The following PCSK1 variants were observed in gnomAD, a reference collection of about 807,000 sequenced individuals.
The protein encoded by PCSK1 is proprotein convertase subtilisin/kexin type 1.
PCSK1 carries 56 observed loss-of-function variants against 90.6 expected under a neutral mutation model. The observed-to-expected ratio is 0.62, with a 90% CI of 0.50 to 0.77. The LOEUF (loss-of-function observed/expected upper bound fraction) is 0.77. Ranked by LOEUF, PCSK1 falls within the 30% of genes least tolerant of loss-of-function variation. The pLI is 0.00. For synonymous variants in PCSK1, 348 were observed against 342.4 expected, an observed-to-expected ratio of 1.02 and a Z score of -0.18; for missense variants, 801 against 932.6, an observed-to-expected ratio of 0.86 and a Z score of 1.84.
At chr5:96,422,678 A>C (rs116559970) in intron 4 of PCSK1, among the ~76,000 whole-genome samples, 3,752 of 152,310 alleles carry the variant, frequency 0.025, 152 homozygotes, top group African/African-American at 0.086. Flanking sequence ...GATAGGTGGA[A>C]AGGATGAGAG....
chr5:96,401,318 G>T (rs995547522), intron 9 of PCSK1, among the ~76,000 whole-genome samples: 2 of 152,064 alleles, frequency 1.3e-5, no homozygotes, highest in African/African-American at 4.8e-5. Context: ...AGAGAAGAAG[G>T]CCACTGGAGC....
rs775136858 is a variant in PCSK1 at position 96,408,262 on chromosome 5, G to A, written c.1157C>T (p.Pro386Leu). Residue 386 changes from proline to leucine, a missense_variant, in exon 9 of 14, where the codon CCT becomes CTT. Pro to Leu is a moderately conservative substitution (Grantham distance 98, BLOSUM62 -3). Transcript: ENST00000311106. ...CAGAGCGAAGATGCCAGCAGCCAGA[G>A]GTGCAGAGGCCGAGGTGCCTGTGTG... ...ETHTGTSASAPLAAGIFALAL... is the reference protein window; with the variant it reads ...ETHTGTSASALLAAGIFALAL... 1.9e-6 allele frequency: 3 copies of A among 1,614,020 alleles called. No homozygotes were observed. Among genetic ancestry groups the A allele is most frequent in the African/African-American group, 1.3e-5 (1 of 74,940 alleles).
chr5:96,427,160 G>T (rs1015439958), intron 2 of PCSK1, among the ~76,000 whole-genome samples: 2 of 152,108 alleles, frequency 1.3e-5, no homozygotes, highest in African/African-American at 4.8e-5. Flanking sequence ...GGGCTGATTT[G>T]AAAGAATATT....
chr5:96,392,989 C>A lies in PCSK1; in HGVS notation c.*12G>T, dbSNP rs1190276542. The A allele has an allele frequency of 9.3e-6, 15 of 1,613,670 alleles. No homozygotes were observed. Among genetic ancestry groups the A allele is most frequent in the Non-Finnish European group, 1.2e-5 (14 of 1,179,792 alleles). ...AGCATGAATATTTCCAACTTGGGAC[C>A]ACACACTTATTTTAATTTTCCTCAT... is the stretch of plus-strand genomic sequence containing the variant. On this transcript the variant is annotated 3_prime_UTR_variant, in exon 14 of 14. Transcript: ENST00000311106.
chr5:96,433,112 G>A lies in PCSK1; in HGVS notation c.-70C>T. 7.0e-7 allele frequency: 1 copy of A among 1,431,502 alleles called. No individual in the cohort carries two copies. The highest frequency in any genetic ancestry group is 1.7e-5 in the Admixed American group (1 of 59,792). The allele number at this position is 1,431,502 out of a possible 1,614,324, so 88.7% of individuals were successfully genotyped here. ...AAGAAGCAAGATAGGAGAAAAGCCAGACAGACTCCCCCTTCCCACCCTCGG... is the reference window on the plus strand; with the variant it reads ...AAGAAGCAAGATAGGAGAAAAGCCAAACAGACTCCCCCTTCCCACCCTCGG... On this transcript the variant is annotated 5_prime_UTR_variant, in exon 1 of 14. Transcript: ENST00000311106.
chr5:96,414,262 C>A (rs539668174), intron 6 of PCSK1, among the ~76,000 whole-genome samples: 1 of 152,252 alleles, frequency 6.6e-6, no homozygotes, highest in South Asian at 2.1e-4. Context: ...AGCTCATGTG[C>A]ATTCATGATA....
intron 1 of PCSK1, among the ~76,000 whole-genome samples, chr5:96,431,495 TCTC>T (rs1308708829): frequency 1.3e-5 from 2 of 152,166 alleles, no homozygotes; most frequent in African/African-American, 4.8e-5. Flanking sequence ...TCTAAGCTAG[TCTC>T]CTCTAGATTC....
At position 96,431,060 on chromosome 5, in the gene PCSK1, G is replaced by C. The variant is rs564706319; in HGVS notation, c.181-1743C>G. Among the ~76,000 whole-genome samples the C allele has an allele frequency of 3.7e-4, 56 of 152,242 alleles. 1 individual carries two copies. The highest frequency in any genetic ancestry group is 3.4e-3 in the Middle Eastern group (1 of 294). On this transcript the variant is annotated intron_variant, in intron 1 of 13. Transcript: ENST00000311106. Reference sequence around the variant, plus strand: ...CCTACACGGTTACCAGTGCTATTTAGCCTTTCAGTAGCTGCTCAAGGAATA... The same window carrying C: ...CCTACACGGTTACCAGTGCTATTTACCCTTTCAGTAGCTGCTCAAGGAATA...
intron 1 of PCSK1, among the ~76,000 whole-genome samples, chr5:96,430,219 C>T (rs999338013): frequency 2.2e-4 from 33 of 152,176 alleles, no homozygotes; most frequent in African/African-American, 7.2e-4. Context: ...ATCTTTGGTT[C>T]ATTTAGGACT....
rs756457273 is a variant in PCSK1 at position 96,416,021 on chromosome 5, CCT to C, written c.709+10_709+11del. On this transcript the variant is annotated intron_variant, in intron 6 of 13. Coordinates refer to ENST00000311106, the MANE Select transcript of PCSK1 (RefSeq NM_000439.5). Reference sequence around the variant, plus strand: ...TAAAATGCCAAGCTATAGGGACAATCCTCTGTTTTACCTCCAACTTTGGAATT... The same window carrying C: ...TAAAATGCCAAGCTATAGGGACAATCCTGTTTTACCTCCAACTTTGGAATT... The C allele has an allele frequency of 1.3e-6, 2 of 1,545,896 alleles. No homozygotes were observed. Among genetic ancestry groups the C allele is most frequent in the South Asian group, 1.1e-5 (1 of 89,690 alleles).
At chr5:96,400,321 C>T in intron 9 of PCSK1, 135 bp from the exon 10 acceptor site, 1 of 700,380 alleles carries the variant, frequency 1.4e-6, no homozygotes, top group Non-Finnish European at 2.6e-6. Context: ...ATTCTAGTGT[C>T]TATTACTGTT....
intron 11 of PCSK1, 87 bp from the exon 12 acceptor site, chr5:96,397,556 G>A: frequency 8.0e-7 from 1 of 1,251,812 alleles, no homozygotes; most frequent in South Asian, 1.2e-5. Context: ...AATAAAAGCT[G>A]AAAAAGATGA....
intron 6 of PCSK1, among the ~76,000 whole-genome samples, chr5:96,413,361 C>T (rs1395719093): frequency 1.3e-5 from 2 of 152,174 alleles, no homozygotes; most frequent in African/African-American, 4.8e-5. Context: ...CAGGCAGCTA[C>T]CTGGTTATTT....
chr5:96,399,483 T>C (rs1760277396), intron 10 of PCSK1, among the ~76,000 whole-genome samples: 1 of 152,110 alleles, frequency 6.6e-6, no homozygotes, highest in African/African-American at 2.4e-5. Context: ...GGAGTCTAAG[T>C]AAGTGTATGA....
intron 4 of PCSK1, 86 bp downstream of exon 4, chr5:96,423,227 C>T: frequency 7.6e-7 from 1 of 1,310,856 alleles, no homozygotes. Context: ...ACCAGAGCAG[C>T]ATCCCCTTGA....
chr5:96,419,499 T>C (rs1424924217), intron 5 of PCSK1, among the ~76,000 whole-genome samples: 2 of 150,932 alleles, frequency 1.3e-5, no homozygotes, highest in African/African-American at 4.9e-5. Context: ...GTAGAGATTC[T>C]TTTTCAAAAG....
At chr5:96,399,468 T>C (rs1042418315) in intron 10 of PCSK1, among the ~76,000 whole-genome samples, 1 of 152,164 alleles carries the variant, frequency 6.6e-6, no homozygotes, top group Non-Finnish European at 1.5e-5. Context: ...TGTGGTGTGC[T>C]AGAGGGAGTC....
chr5:96,432,108 G>A, intron 1 of PCSK1: 2 of 1,535,402 alleles, frequency 1.3e-6, no homozygotes, highest in Admixed American at 2.0e-5. Flanking sequence ...GAAAGAAATA[G>A]ATCCCTTCCC....
At chr5:96,414,592 A>T (rs190040339) in intron 6 of PCSK1, among the ~76,000 whole-genome samples, 3 of 152,318 alleles carry the variant, frequency 2.0e-5, no homozygotes, top group African/African-American at 7.2e-5. Context: ...CCATCAAAGG[A>T]TGGAGTAATG....
Sources: gnomAD v4.1 joint callset for allele counts (sites outside exome capture counted in the v4.1 genomes callset) on GRCh38, gnomAD v4.1.1 for gene constraint, MANE v1.5 for transcripts, NCBI Gene and HGNC (gene_info 2026-07-23, HGNC 2026-07-21) for gene names.